ARHGEF33: variants seen among roughly 807,000 people sequenced by gnomAD.
The protein encoded by ARHGEF33 is Rho guanine nucleotide exchange factor 33, also known as DH and coiled-coil domain-containing protein ENSP00000381780.
Under a neutral mutation model 101.9 loss-of-function variants are expected in ARHGEF33, and 72 were observed. The ratio of observed to expected loss-of-function variants is 0.71; its 90% confidence interval spans 0.58 to 0.86. ARHGEF33 has a LOEUF of 0.86. Ranked by LOEUF, ARHGEF33 falls within the 40% of genes least tolerant of loss-of-function variation. The pLI is 0.00. For synonymous variants in ARHGEF33, 499 were observed against 442.5 expected (o/e 1.13, Z -1.60); for missense variants, 1,169 against 1,111.3 (o/e 1.05, Z -0.74).
chr2:38,934,080 G>A (rs149719074), intron 7 of ARHGEF33, among the ~76,000 whole-genome samples: 129 of 152,294 alleles, frequency 8.5e-4, no homozygotes, highest in Non-Finnish European at 1.5e-3. Context: ...TTTGAAAGAT[G>A]TGGTTTTATT....
At chr2:38,931,353 G>A (rs1426945217) in intron 7 of ARHGEF33, 102 bp downstream of exon 7, 3 of 1,063,362 alleles carry the variant, frequency 2.8e-6, no homozygotes, top group African/African-American at 1.6e-5. Context: ...AGAAAATGGT[G>A]TATTGCCTAG....
chr2:38,890,042 A>G, intron 1 of ARHGEF33, 56 bp downstream of exon 1: 2 of 386,590 alleles, frequency 5.2e-6, no homozygotes, highest in South Asian at 2.1e-5. Flanking sequence ...ACAATTTTAT[A>G]AGAGATGAAA....
At position 38,955,762 on chromosome 2, in the gene ARHGEF33, C is replaced by T. The variant is rs556038831; in HGVS notation, c.1222-1137C>T. ...CATGATCTCAGCTCACTGCAACCTC[C>T]GCCTCCCGGGTTCATGCCATTTTCC... is the stretch of plus-strand genomic sequence containing the variant. On this transcript the variant is annotated intron_variant, in intron 13 of 17. Transcript: ENST00000409978. Among the ~76,000 whole-genome samples the T allele has an allele frequency of 1.0e-3, 157 of 151,990 alleles. 1 individual carries two copies. Among genetic ancestry groups the T allele is most frequent in the Admixed American group, 2.4e-3 (37 of 15,262 alleles).
At chr2:38,964,255 G>GT (rs770490056) in intron 16 of ARHGEF33, among the ~76,000 whole-genome samples, 1 of 152,078 alleles carries the variant, frequency 6.6e-6, no homozygotes, top group Non-Finnish European at 1.5e-5. Context: ...AATCCAGAAC[G>GT]TATGGAGATT....
intron 9 of ARHGEF33, among the ~76,000 whole-genome samples, chr2:38,938,171 T>G (rs913384191): frequency 1.3e-5 from 2 of 152,192 alleles, no homozygotes; most frequent in Admixed American, 1.3e-4. Flanking sequence ...ATGTTTTCTT[T>G]TCGGGGGCAT....
chr2:38,973,923 T>G lies in ARHGEF33; in HGVS notation c.*80T>G. The G allele has an allele frequency of 2.4e-6, 2 of 832,338 alleles. No homozygotes were observed. The highest frequency in any genetic ancestry group is 3.1e-6 in the Non-Finnish European group (2 of 642,784). 51.6% of individuals were successfully genotyped at this position (832,338 alleles called of 1,614,324 possible). On this transcript the variant is annotated 3_prime_UTR_variant, in exon 18 of 18. Coordinates refer to ENST00000409978, the MANE Select transcript of ARHGEF33 (RefSeq NM_001145451.5). Reference sequence around the variant, plus strand: ...ATATCTGTGTAGGAATATATATATATATCTATATCTATATATATATATATA... The same window carrying G: ...ATATCTGTGTAGGAATATATATATAGATCTATATCTATATATATATATATA...
chr2:38,930,134 A>G (rs894138977), intron 6 of ARHGEF33, among the ~76,000 whole-genome samples: 3 of 152,242 alleles, frequency 2.0e-5, no homozygotes, highest in Non-Finnish European at 4.4e-5. Flanking sequence ...CTTAAAAATA[A>G]TGATAGTTGT....
chr2:38,940,828 C>CT (rs1257285896), intron 9 of ARHGEF33, among the ~76,000 whole-genome samples: 2 of 152,224 alleles, frequency 1.3e-5, no homozygotes, highest in African/African-American at 2.4e-5. Flanking sequence ...AGAGACTGGA[C>CT]TTTTTTTAAG....
chr2:38,963,748 C>A (rs1236332868), intron 16 of ARHGEF33, among the ~76,000 whole-genome samples: 2 of 152,048 alleles, frequency 1.3e-5, no homozygotes, highest in Non-Finnish European at 2.9e-5. Flanking sequence ...AGAATTTGCA[C>A]CCCAGACCTA....
intron 10 of ARHGEF33, 73 bp from the exon 11 acceptor site, chr2:38,950,916 C>T: frequency 2.1e-6 from 3 of 1,416,766 alleles, no homozygotes; most frequent in Non-Finnish European, 2.9e-6. Flanking sequence ...ATGGGCCCTG[C>T]TGCATGTATT....
At chr2:38,901,320 G>A (rs1269850520) in intron 2 of ARHGEF33, among the ~76,000 whole-genome samples, 1 of 152,128 alleles carries the variant, frequency 6.6e-6, no homozygotes, top group African/African-American at 2.4e-5. Flanking sequence ...TGCCAGGGCA[G>A]CTCCTTCATC....
At chr2:38,909,484 G>C (rs1666462723) in intron 2 of ARHGEF33, among the ~76,000 whole-genome samples, 1 of 150,026 alleles carries the variant, frequency 6.7e-6, no homozygotes, top group Admixed American at 6.6e-5. Context: ...ACCACGACTG[G>C]CTAATTTCTT....
intron 2 of ARHGEF33, among the ~76,000 whole-genome samples, chr2:38,918,163 C>G (rs1666676290): frequency 6.6e-6 from 1 of 152,202 alleles, no homozygotes; most frequent in Admixed American, 6.5e-5. Flanking sequence ...ATGCCTAAAT[C>G]ACATAGTACA....
rs762674806 is a variant in ARHGEF33 at position 38,960,354 on chromosome 2, G to C, written c.2049G>C (p.Pro683=). 1,211 of 1,531,768 alleles carry C rather than the reference G, an allele frequency of 7.9e-4. 2 individuals carry two copies. Among genetic ancestry groups the C allele is most frequent in the Non-Finnish European group, 1.0e-3 (1,164 of 1,143,080 alleles). 94.9% of individuals were successfully genotyped at this position (1,531,768 alleles called of 1,614,324 possible). A position where few individuals can be genotyped will look rare whatever the true frequency, so the allele number is the denominator to read the frequency against. ...LQPLPKSATS[P]AGSSSAYKLE... is the part of the protein sequence containing the mutation. ...CGCTGCCCAAGAGCGCTACGTCGCCGGCGGGCAGCAGCAGCGCCTACAAAC... is the reference window on the plus strand; with the variant it reads ...CGCTGCCCAAGAGCGCTACGTCGCCCGCGGGCAGCAGCAGCGCCTACAAAC... The change falls in exon 16 of 18, where the codon CCG becomes CCC. Residue 683 remains proline (P), a synonymous_variant. Coordinates refer to ENST00000409978, the MANE Select transcript of ARHGEF33 (RefSeq NM_001145451.5).
intron 2 of ARHGEF33, among the ~76,000 whole-genome samples, chr2:38,916,801 CTT>C (rs200104155): frequency 2.4e-4 from 33 of 137,854 alleles, no homozygotes; most frequent in Non-Finnish European, 3.2e-4. Flanking sequence ...ATAATAAAGT[CTT>C]TTTTTTTTTT....
chr2:38,942,712 G>A (rs937817918), intron 9 of ARHGEF33, among the ~76,000 whole-genome samples: 2 of 151,136 alleles, frequency 1.3e-5, no homozygotes, highest in Non-Finnish European at 2.9e-5. Flanking sequence ...GTTTCTTCAG[G>A]GTCCCCCCTC....
Position 38,956,928 on chromosome 2 carries a change from C to T in ARHGEF33, c.1251C>T (p.His417=), listed in dbSNP as rs1452571959. 3 of 1,552,370 alleles carry T rather than the reference C, an allele frequency of 1.9e-6. No homozygotes were observed. Among genetic ancestry groups the T allele is most frequent in the Non-Finnish European group, 2.6e-6 (3 of 1,147,144 alleles). The change falls in exon 14 of 18, where the codon CAC becomes CAT. Residue 417 remains histidine (H), a synonymous_variant. Coordinates refer to ENST00000409978, the MANE Select transcript of ARHGEF33 (RefSeq NM_001145451.5). ...QNVLKFTEQE[H]PDYYLLLVCV... is the part of the protein sequence containing the mutation. ...TCCTGAAGTTCACAGAGCAGGAGCA[C>T]CCTGACTATTATCTACTACTGGTGT...
intron 8 of ARHGEF33, among the ~76,000 whole-genome samples, chr2:38,936,393 C>T (rs563396959): frequency 7.2e-5 from 11 of 152,236 alleles, no homozygotes; most frequent in African/African-American, 2.4e-4. Context: ...TTTTTGGCAC[C>T]CTTCCTCCTC....
At chr2:38,915,623 C>T (rs997610027) in intron 2 of ARHGEF33, among the ~76,000 whole-genome samples, 33 of 151,830 alleles carry the variant, frequency 2.2e-4, no homozygotes, top group African/African-American at 6.8e-4. Context: ...CCACCTGCCT[C>T]GGCCTCCCAA....
Sources: gnomAD v4.1 joint callset for allele counts (sites outside exome capture counted in the v4.1 genomes callset) on GRCh38, gnomAD v4.1.1 for gene constraint, MANE v1.5 for transcripts, NCBI Gene and HGNC (gene_info 2026-07-23, HGNC 2026-07-21) for gene names.